NTRK2: variants seen among roughly 807,000 people sequenced by gnomAD.
NTRK2 encodes BDNF/NT-3 growth factors receptor.
Under a neutral mutation model 94.5 loss-of-function variants are expected in NTRK2, and 13 were observed. The observed-to-expected ratio is 0.14, with a 90% CI of 0.09 to 0.22. The LOEUF is 0.22. NTRK2 is among the 10% of genes least tolerant of loss of function. NTRK2 has a pLI of 1.00. For missense variants in NTRK2, 639 were observed against 1,071.2 expected, an observed-to-expected ratio of 0.60 and a Z score of 5.63; for synonymous variants, 372 against 407.4, an observed-to-expected ratio of 0.91 and a Z score of 1.05.
Position 84,782,448 on chromosome 9 carries a change from C to T in NTRK2, c.1396+30363C>T, listed in dbSNP as rs1225244006. Among the ~76,000 whole-genome samples, 3 of 152,222 alleles carry T rather than the reference C, an allele frequency of 2.0e-5. No homozygotes were observed. The East Asian group carries it at 5.8e-4, about 29-fold the overall frequency. On this transcript the variant is annotated intron_variant, in intron 12 of 18. Transcript: ENST00000277120. The stretch of plus-strand genomic sequence containing the variant: ...TCTGCGGCTCTCCCCTCTGCCCCGT[C>T]ATACCTAGCTTTGCTGTGGCTGTCG...
intron 12 of NTRK2, among the ~76,000 whole-genome samples, chr9:84,856,063 G>T (rs76967243): frequency 6.6e-6 from 1 of 152,184 alleles, no homozygotes; most frequent in African/African-American, 2.4e-5. Flanking sequence ...TCAGAGAACA[G>T]TTAGGAGGTT....
At chr9:84,937,693 T>C (rs577924236) in intron 15 of NTRK2, among the ~76,000 whole-genome samples, 3 of 152,170 alleles carry the variant, frequency 2.0e-5, no homozygotes, top group African/African-American at 7.2e-5. Context: ...AAAGAACCCA[T>C]AGAGAGGAGG....
At chr9:85,007,752 A>G (rs1393570328) in intron 17 of NTRK2, among the ~76,000 whole-genome samples, 5 of 152,246 alleles carry the variant, frequency 3.3e-5, no homozygotes, top group African/African-American at 9.6e-5. Flanking sequence ...TGTGACATGT[A>G]GCAGATGGGG....
At chr9:84,985,189 C>A (rs1460342573) in intron 17 of NTRK2, among the ~76,000 whole-genome samples, 2 of 152,198 alleles carry the variant, frequency 1.3e-5, no homozygotes, top group Non-Finnish European at 2.9e-5. Context: ...ATTAACCAAG[C>A]TCTTGACATG....
chr9:84,921,805 C>A (rs1301796288), intron 14 of NTRK2, among the ~76,000 whole-genome samples: 1 of 152,128 alleles, frequency 6.6e-6, no homozygotes, highest in Non-Finnish European at 1.5e-5. Flanking sequence ...AAAACCTGAG[C>A]AGAAGTTATA....
At chr9:84,988,950 G>C (rs1828704450) in intron 17 of NTRK2, among the ~76,000 whole-genome samples, 1 of 152,188 alleles carries the variant, frequency 6.6e-6, no homozygotes, top group Non-Finnish European at 1.5e-5. Context: ...ATACAAGCTG[G>C]GACTCTGGCT....
At chr9:84,904,422 C>A (rs1458617981) in intron 14 of NTRK2, among the ~76,000 whole-genome samples, 1 of 152,190 alleles carries the variant, frequency 6.6e-6, no homozygotes, top group Non-Finnish European at 1.5e-5. Flanking sequence ...TCCTCCCTCC[C>A]CTTTGGATGG....
intron 17 of NTRK2, among the ~76,000 whole-genome samples, chr9:85,001,516 A>G (rs1830341339): frequency 6.6e-6 from 1 of 151,968 alleles, no homozygotes; most frequent in Non-Finnish European, 1.5e-5. Flanking sequence ...AGGTCCCAGC[A>G]CCCCTTCTTA....
At chr9:84,816,220 C>T (rs1225830186) in intron 12 of NTRK2, among the ~76,000 whole-genome samples, 1 of 152,074 alleles carries the variant, frequency 6.6e-6, no homozygotes, top group Admixed American at 6.6e-5. Flanking sequence ...TACCATGAGA[C>T]CATAACTGTT....
At chr9:84,673,885 C>T (rs1161122895) in intron 2 of NTRK2, among the ~76,000 whole-genome samples, 2 of 152,192 alleles carry the variant, frequency 1.3e-5, no homozygotes, top group Non-Finnish European at 2.9e-5. Context: ...TGCTAAGTGG[C>T]AGCTCCTGTT....
intron 14 of NTRK2, among the ~76,000 whole-genome samples, chr9:84,921,979 T>C (rs2077581062): frequency 6.6e-6 from 1 of 152,194 alleles, no homozygotes; most frequent in Non-Finnish European, 1.5e-5. Context: ...GTTATGTGCA[T>C]GTATTGCTTT....
At chr9:84,736,792 C>T (rs1351637385) in intron 9 of NTRK2, among the ~76,000 whole-genome samples, 3 of 152,126 alleles carry the variant, frequency 2.0e-5, no homozygotes, top group African/African-American at 7.2e-5. Context: ...ATAGAAGACT[C>T]CATTGTTACA....
chr9:84,995,591 T>C (rs571070990), intron 17 of NTRK2, among the ~76,000 whole-genome samples: 1 of 152,314 alleles, frequency 6.6e-6, no homozygotes, highest in South Asian at 2.1e-4. Flanking sequence ...GCCACACACT[T>C]GGGCAAGTCT....
At chr9:84,958,242 T>G (rs2133015762) in intron 17 of NTRK2, among the ~76,000 whole-genome samples, 1 of 152,110 alleles carries the variant, frequency 6.6e-6, no homozygotes, top group South Asian at 2.1e-4. Flanking sequence ...GGCTAAATAT[T>G]TTGGTACCTG....
chr9:84,770,116 T>C (rs2066394751), intron 12 of NTRK2, among the ~76,000 whole-genome samples: 1 of 147,382 alleles, frequency 6.8e-6, no homozygotes, highest in African/African-American at 2.6e-5. Context: ...GGACTTGAGC[T>C]AGTGGAGCTC....
At chr9:84,782,175 A>G (rs1224281507) in intron 12 of NTRK2, among the ~76,000 whole-genome samples, 6 of 152,162 alleles carry the variant, frequency 3.9e-5, no homozygotes, top group Admixed American at 1.3e-4. Flanking sequence ...TAACTGCCAG[A>G]CAATCCATCT....
rs796832392 is a variant in NTRK2, at chr9:84,926,161, C to G, written c.1634-8001C>G. The stretch of plus-strand genomic sequence containing the variant: ...TCCTTCCTTCCTTCCTTCCTTCCTT[C>G]CTTCCTTCCTTTCTTTCTTTCTTTC... On this transcript the variant is annotated intron_variant, in intron 14 of 18. Coordinates refer to ENST00000277120, the MANE Select transcript of NTRK2 (RefSeq NM_006180.6). 5.3e-4 allele frequency among the ~76,000 whole-genome samples: 34 copies of G among 63,870 alleles called. 1 individual carries two copies. The highest frequency in any genetic ancestry group is 1.8e-3 in the African/African-American group (32 of 17,480). The allele number at this position is 63,870 out of a possible 152,430, so 41.9% of individuals were successfully genotyped here.
chr9:84,825,408 G>T (rs1225950301), intron 12 of NTRK2, among the ~76,000 whole-genome samples: 2 of 152,096 alleles, frequency 1.3e-5, no homozygotes, highest in African/African-American at 4.8e-5. Flanking sequence ...CTCCAGCCAT[G>T]CTTCCCCACC....
chr9:84,743,490 G>C (rs2132345498), intron 10 of NTRK2, among the ~76,000 whole-genome samples: 1 of 152,248 alleles, frequency 6.6e-6, no homozygotes, highest in East Asian at 1.9e-4. Flanking sequence ...TTTCTTCCAA[G>C]CTGTGGTTTG....
Sources: allele counts gnomAD v4.1 joint callset (sites outside exome capture counted in the v4.1 genomes callset), GRCh38; gene constraint gnomAD v4.1.1; transcripts MANE v1.5; gene names NCBI Gene and HGNC (gene_info 2026-07-23, HGNC 2026-07-21).